The following ZNF827 variants were observed in gnomAD, a reference collection of about 807,000 sequenced individuals.
ZNF827 encodes the protein zinc finger protein 827.
A neutral mutation model predicts 102.4 loss-of-function variants in ZNF827; 13 were observed. The ratio of observed to expected loss-of-function variants is 0.13; its 90% CI spans 0.08 to 0.20. ZNF827 has a LOEUF of 0.20. Ranked by LOEUF, ZNF827 falls within the 10% of genes least tolerant of loss-of-function variation. The pLI is 1.00. For synonymous variants in ZNF827, 523 were observed against 536.2 expected (o/e 0.98, Z 0.34); for missense variants, 1,103 against 1,344.4 (o/e 0.82, Z 2.81).
chr4:145,853,621 A>G (rs1318878590), intron 5 of ZNF827, among the ~76,000 whole-genome samples: 1 of 152,168 alleles, frequency 6.6e-6, no homozygotes, highest in Admixed American at 6.5e-5. Flanking sequence ...AAAACAAAAA[A>G]AAACTACAAG....
At chr4:145,861,995 A>G (rs1304827280) in intron 5 of ZNF827, among the ~76,000 whole-genome samples, 17 of 152,200 alleles carry the variant, frequency 1.1e-4, no homozygotes, top group Non-Finnish European at 1.6e-4. Context: ...GGTAGCCTGA[A>G]GCTTGAGGGC....
chr4:145,819,915 C>T (rs1481320160), intron 8 of ZNF827: 3 of 152,238 alleles, frequency 2.0e-5, no homozygotes, highest in Non-Finnish European at 2.9e-5. Context: ...GCCAGGACAC[C>T]GTGAAGCTCT....
rs1237550703 is a variant in ZNF827 at position 145,849,339 on chromosome 4, A to G, written c.2204T>C (p.Leu735Pro). 1 of 1,613,870 alleles carries G rather than the reference A, an allele frequency of 6.2e-7. No individual in the cohort carries two copies. Among genetic ancestry groups the G allele is most frequent in the African/African-American group, 1.3e-5 (1 of 74,880 alleles). The change falls in exon 6 of 15, where the codon CTC becomes CCC. Residue 735 changes from leucine to proline, a missense_variant. This residue lies in a region of ZNF827 where 243 missense variants were observed against 251.6 expected (regional missense o/e 0.97). Transcript: ENST00000508784. ...QDISVKMASE[L>P]LFQLSEKVSK... ...AAACATACCTGACAGTTGAAAGAGGAGCTCGGAAGCCATTTTCACAGAGAT... is the reference window on the plus strand; with the variant it reads ...AAACATACCTGACAGTTGAAAGAGGGGCTCGGAAGCCATTTTCACAGAGAT...
At chr4:145,931,831 C>G (rs1031198674) in intron 1 of ZNF827, among the ~76,000 whole-genome samples, 1 of 152,202 alleles carries the variant, frequency 6.6e-6, no homozygotes, top group Non-Finnish European at 1.5e-5. Context: ...GTTGACCAGC[C>G]ATAGAAACAG....
At chr4:145,835,663 T>A (rs1245883671) in intron 7 of ZNF827, among the ~76,000 whole-genome samples, 2 of 147,754 alleles carry the variant, frequency 1.4e-5, no homozygotes, top group Non-Finnish European at 3.0e-5. Flanking sequence ...CTCTACTCCC[T>A]CCTTGGCGAC....
chr4:145,921,360 T>C (rs985012526), intron 1 of ZNF827, among the ~76,000 whole-genome samples: 33 of 151,066 alleles, frequency 2.2e-4, no homozygotes, highest in African/African-American at 6.6e-4. Flanking sequence ...TAAAAGATCT[T>C]AAATAGGATT....
chr4:145,783,455 C>T (rs879347341), intron 8 of ZNF827, among the ~76,000 whole-genome samples: 1 of 152,208 alleles, frequency 6.6e-6, no homozygotes, highest in Admixed American at 6.5e-5. Flanking sequence ...GAAATGTTTG[C>T]AGTCCTGAGC....
intron 11 of ZNF827, among the ~76,000 whole-genome samples, chr4:145,769,735 A>G (rs10020750): frequency 0.41 from 61,822 of 152,054 alleles, 14,269 homozygotes; most frequent in Non-Finnish European, 0.54. Flanking sequence ...CTTCAGCATC[A>G]CAAAGATCTT....
chr4:145,765,823 A>C lies in ZNF827; in HGVS notation c.2861-85T>G. The C allele has an allele frequency of 1.5e-6, 2 of 1,373,632 alleles. No individual in the cohort carries two copies. Among genetic ancestry groups the C allele is most frequent in the South Asian group, 1.4e-5 (1 of 72,404 alleles). 85.1% of individuals were successfully genotyped at this position (1,373,632 alleles called of 1,614,324 possible). Reference sequence around the variant, plus strand: ...AACTGAGGGTGACGAGTTGAGTCTCATGGATGCATCATCATTCTGGGGGCA... The same window carrying C: ...AACTGAGGGTGACGAGTTGAGTCTCCTGGATGCATCATCATTCTGGGGGCA... On this transcript the variant is annotated intron_variant, in intron 11 of 14. Transcript: ENST00000508784. This position sits in a 1 kb window ranked among gnomAD's most constrained non-coding sequence, Gnocchi z 4.7.
In ZNF827 at chr4:145,761,420, C is replaced by T. The variant is rs1290442109; in HGVS notation, c.*196G>A. The T allele has an allele frequency of 8.5e-6, 11 of 1,289,786 alleles. No homozygotes were observed. The highest frequency in any genetic ancestry group is 1.1e-5 in the Non-Finnish European group (11 of 988,832). The allele number at this position is 1,289,786 out of a possible 1,614,324, so 79.9% of individuals were successfully genotyped here. A position where few individuals can be genotyped will look rare whatever the true frequency, so the allele number is the denominator to read the frequency against. Reference sequence around the variant, plus strand: ...TTGTTGGCGGTCTTGGACAGGTAGCCGCACTGGTCGCACTTGTAGTGGTTG... The same window carrying T: ...TTGTTGGCGGTCTTGGACAGGTAGCTGCACTGGTCGCACTTGTAGTGGTTG... On this transcript the variant is annotated 3_prime_UTR_variant, in exon 15 of 15. Transcript: ENST00000508784. The surrounding 1 kb of genome is among the most constrained non-coding windows in gnomAD (Gnocchi z 6.8).
chr4:145,878,797 G>T (rs545859512), intron 4 of ZNF827, among the ~76,000 whole-genome samples: 3 of 149,420 alleles, frequency 2.0e-5, no homozygotes, highest in African/African-American at 7.4e-5. Context: ...GGAAGGAAAA[G>T]AGCTAGCCAG....
In ZNF827 at chr4:145,827,105, T is replaced by C. The variant is rs76994551; in HGVS notation, c.2280-3580A>G. On this transcript the variant is annotated intron_variant, in intron 7 of 14. Coordinates refer to ENST00000508784, the MANE Select transcript of ZNF827 (RefSeq NM_001306215.2). ...TGGATAAGGAGGGACTACTGCATTA[T>C]CCCTATTTTACAGATGTGGAGACTT... Among the ~76,000 whole-genome samples the C allele has an allele frequency of 0.015, 2,225 of 152,320 alleles. 213 individuals are homozygous for C. In the East Asian group the frequency reaches 0.25, roughly 17 times the overall value.
intron 1 of ZNF827, among the ~76,000 whole-genome samples, chr4:145,904,978 T>C (rs1751727135): frequency 6.6e-6 from 1 of 152,222 alleles, no homozygotes; most frequent in Non-Finnish European, 1.5e-5. Flanking sequence ...GTGGGGATTA[T>C]GAAGGCTCAG....
intron 1 of ZNF827, among the ~76,000 whole-genome samples, chr4:145,923,256 T>C (rs1753201462): frequency 6.6e-6 from 1 of 152,176 alleles, no homozygotes; most frequent in African/African-American, 2.4e-5. Context: ...AAAAGACTAT[T>C]ACATATTGGT....
chr4:145,866,536 G>A (rs1579420655), intron 5 of ZNF827, among the ~76,000 whole-genome samples: 1 of 152,316 alleles, frequency 6.6e-6, no homozygotes, highest in Admixed American at 6.5e-5. Flanking sequence ...TCCACTGGGT[G>A]AGCACAGAAA....
chr4:145,903,239 GT>G, intron 1 of ZNF827, 24 bp from the exon 2 acceptor site: 1 of 1,579,424 alleles, frequency 6.3e-7, no homozygotes. Flanking sequence ...AGAAGATCAG[GT>G]TTACTCCCAA....
At chr4:145,796,188 C>T (rs892299650) in intron 8 of ZNF827, among the ~76,000 whole-genome samples, 1 of 152,214 alleles carries the variant, frequency 6.6e-6, no homozygotes, top group Non-Finnish European at 1.5e-5. Flanking sequence ...GAAACTTTTA[C>T]TTTATTTCCC....
chr4:145,854,120 T>C (rs1448242978), intron 5 of ZNF827, among the ~76,000 whole-genome samples: 1 of 151,322 alleles, frequency 6.6e-6, no homozygotes, highest in Non-Finnish European at 1.5e-5. Context: ...AAACTAGGAG[T>C]TTGGAAGTCT....
intron 13 of ZNF827, among the ~76,000 whole-genome samples, chr4:145,764,028 T>C (rs943526595): frequency 1.1e-4 from 17 of 152,144 alleles, no homozygotes; most frequent in African/African-American, 4.1e-4. Context: ...TCCTCACCCA[T>C]CTAGGGGAGT....
Sources: gnomAD v4.1 joint callset for allele counts (sites outside exome capture counted in the v4.1 genomes callset) on GRCh38, gnomAD v4.1.1 for gene constraint, gnomAD v4.1.1 regional missense constraint, Gnocchi (gnomAD v3.1) non-coding constraint, MANE v1.5 for transcripts, NCBI Gene and HGNC (gene_info 2026-07-23, HGNC 2026-07-21) for gene names.